The following CTNND2 variants were observed in gnomAD, a reference collection of about 807,000 sequenced individuals.
The protein encoded by CTNND2 is catenin delta-2.
A neutral mutation model predicts 144.4 loss-of-function variants in CTNND2; 22 were observed. The observed-to-expected ratio is 0.15, with a 90% CI of 0.11 to 0.22. The LOEUF is 0.22. CTNND2 is among the 10% of genes least tolerant of loss of function. The pLI is 1.00. For missense variants in CTNND2, 1,353 were observed against 1,618.8 expected, an observed-to-expected ratio of 0.84 and a Z score of 2.82; for synonymous variants, 751 against 695.6, an observed-to-expected ratio of 1.08 and a Z score of -1.25.
intron 1 of CTNND2, among the ~76,000 whole-genome samples, chr5:11,827,043 G>A (rs147251955): frequency 6.6e-6 from 1 of 151,932 alleles, no homozygotes; most frequent in Non-Finnish European, 1.5e-5. Context: ...AAGGACACTT[G>A]GACATTGATA....
intron 16 of CTNND2, among the ~76,000 whole-genome samples, chr5:11,060,236 A>G (rs1269147850): frequency 1.3e-5 from 2 of 152,160 alleles, no homozygotes; most frequent in Non-Finnish European, 2.9e-5. Context: ...AAGCATTTCC[A>G]TTCATTTTCA....
At chr5:11,026,834 A>G (rs1440272617) in intron 16 of CTNND2, among the ~76,000 whole-genome samples, 1 of 152,182 alleles carries the variant, frequency 6.6e-6, no homozygotes. Context: ...GGAAATTCTT[A>G]AGAAGCAACT....
At chr5:11,300,686 T>A (rs1293344330) in intron 9 of CTNND2, among the ~76,000 whole-genome samples, 8 of 152,114 alleles carry the variant, frequency 5.3e-5, no homozygotes, top group Non-Finnish European at 1.0e-4. Context: ...ATACTTATAC[T>A]AAAAATTTAC....
At chr5:11,800,523 T>G (rs1439966594) in intron 1 of CTNND2, among the ~76,000 whole-genome samples, 1 of 152,184 alleles carries the variant, frequency 6.6e-6, no homozygotes, top group African/African-American at 2.4e-5. Context: ...CCTTAATTTA[T>G]TCACCATAGG....
intron 2 of CTNND2, among the ~76,000 whole-genome samples, chr5:11,614,332 T>C (rs967933773): frequency 2.6e-5 from 4 of 152,200 alleles, no homozygotes; most frequent in Admixed American, 2.6e-4. Context: ...GTGGTAAGTC[T>C]GAAGAAACAA....
At chr5:10,992,705 A>G in intron 18 of CTNND2, 28 bp from the exon 19 acceptor site, 1 of 1,611,484 alleles carries the variant, frequency 6.2e-7, no homozygotes, top group African/African-American at 1.3e-5. Flanking sequence ...CTCCTGTTAG[A>G]TGGGCAAGAC....
rs138131776 is a variant in CTNND2 at position 11,734,952 on chromosome 5, C to G, written c.38-2680G>C. On this transcript the variant is annotated intron_variant, in intron 1 of 21. Coordinates refer to ENST00000304623, the MANE Select transcript of CTNND2 (RefSeq NM_001332.4). Reference sequence around the variant, plus strand: ...TTGGAATAGCACTGAAAAAGTAAATCTGTTACAAACAGAATATGTGAGAAG... The same window carrying G: ...TTGGAATAGCACTGAAAAAGTAAATGTGTTACAAACAGAATATGTGAGAAG... Among the ~76,000 whole-genome samples the G allele has an allele frequency of 5.1e-3, 775 of 152,186 alleles. 8 individuals are homozygous for G. Among genetic ancestry groups the G allele is most frequent in the South Asian group, 0.016 (77 of 4,822 alleles).
intron 1 of CTNND2, among the ~76,000 whole-genome samples, chr5:11,840,987 C>A (rs917258432): frequency 6.6e-6 from 1 of 152,060 alleles, no homozygotes; most frequent in Non-Finnish European, 1.5e-5. Context: ...ATGGCAAACA[C>A]CATGCTGAAT....
At chr5:11,532,852 A>C (rs1284207835) in intron 3 of CTNND2, among the ~76,000 whole-genome samples, 1 of 152,232 alleles carries the variant, frequency 6.6e-6, no homozygotes, top group Non-Finnish European at 1.5e-5. Context: ...TGGCCCCCAG[A>C]AAAGGGTTAC....
chr5:11,380,887 T>C (rs369014627), intron 7 of CTNND2, among the ~76,000 whole-genome samples: 1 of 152,202 alleles, frequency 6.6e-6, no homozygotes, highest in African/African-American at 2.4e-5. Context: ...AACCTGCATA[T>C]ATCCCACTTT....
At chr5:11,873,287 A>G (rs904191552) in intron 1 of CTNND2, among the ~76,000 whole-genome samples, 1 of 152,208 alleles carries the variant, frequency 6.6e-6, no homozygotes, top group African/African-American at 2.4e-5. Context: ...ATTTAATATA[A>G]TGATATGACT....
intron 1 of CTNND2, among the ~76,000 whole-genome samples, chr5:11,769,842 A>G (rs1340041281): frequency 6.6e-6 from 1 of 152,212 alleles, no homozygotes; most frequent in Non-Finnish European, 1.5e-5. Context: ...TTCTGTACCA[A>G]CACTGTCGAC....
At chr5:11,391,380 T>C (rs759487448) in intron 6 of CTNND2, among the ~76,000 whole-genome samples, 1 of 152,104 alleles carries the variant, frequency 6.6e-6, no homozygotes, top group Admixed American at 6.5e-5. Context: ...TCTCACAATT[T>C]TGAAACATGA....
chr5:11,770,931 G>T (rs534059537), intron 1 of CTNND2, among the ~76,000 whole-genome samples: 1 of 152,046 alleles, frequency 6.6e-6, no homozygotes, highest in African/African-American at 2.4e-5. Flanking sequence ...GTTGCTTTCT[G>T]ATACTCAGCT....
At chr5:11,286,805 C>T (rs575087579) in intron 9 of CTNND2, among the ~76,000 whole-genome samples, 3 of 152,270 alleles carry the variant, frequency 2.0e-5, no homozygotes, top group Non-Finnish European at 2.9e-5. Context: ...TGAAGATACA[C>T]GTTCCTCTGG....
chr5:11,277,052 A>G (rs1412446022), intron 9 of CTNND2, among the ~76,000 whole-genome samples: 3 of 152,222 alleles, frequency 2.0e-5, no homozygotes, highest in Non-Finnish European at 4.4e-5. Flanking sequence ...AAGGAAACTA[A>G]TCCACTATAT....
intron 13 of CTNND2, among the ~76,000 whole-genome samples, chr5:11,112,977 C>T (rs1002360194): frequency 6.6e-6 from 1 of 152,026 alleles, no homozygotes; most frequent in Admixed American, 6.6e-5. Flanking sequence ...CCCGTCTCTA[C>T]TAAAAATTCA....
chr5:11,422,596 T>G (rs1762461666), intron 3 of CTNND2, among the ~76,000 whole-genome samples: 2 of 152,026 alleles, frequency 1.3e-5, no homozygotes, highest in African/African-American at 4.8e-5. Context: ...CACAACACTG[T>G]CACGTCTGCG....
intron 16 of CTNND2, among the ~76,000 whole-genome samples, chr5:11,079,279 G>A (rs1749291330): frequency 8.2e-6 from 1 of 121,764 alleles, no homozygotes; most frequent in African/African-American, 3.9e-5. Flanking sequence ...CCCTTGCCAC[G>A]GGGGTTGGTC....
Sources: gnomAD v4.1 joint callset for allele counts (sites outside exome capture counted in the v4.1 genomes callset) on GRCh38, gnomAD v4.1.1 for gene constraint, MANE v1.5 for transcripts, NCBI Gene and HGNC (gene_info 2026-07-23, HGNC 2026-07-21) for gene names.